SPATA16: variants seen among roughly 807,000 people sequenced by gnomAD.
SPATA16 encodes the protein spermatogenesis-associated protein 16.
In SPATA16, 36 loss-of-function variants were observed where a neutral mutation model predicts 63.3. The ratio of observed to expected loss-of-function variants is 0.57; its 90% CI spans 0.44 to 0.75. The LOEUF (loss-of-function observed/expected upper bound fraction) is 0.75, where lower values mean the gene tolerates loss of function less well. SPATA16 is among the 30% of genes least tolerant of loss of function. SPATA16 has a pLI of 0.00. For synonymous variants in SPATA16, 203 were observed against 216.7 expected (o/e 0.94, Z 0.56); for missense variants, 646 against 679.3 (o/e 0.95, Z 0.54).
At chr3:172,937,163 A>T (rs1277501786) in intron 6 of SPATA16, among the ~76,000 whole-genome samples, 1 of 151,702 alleles carries the variant, frequency 6.6e-6, no homozygotes, top group Non-Finnish European at 1.5e-5. Context: ...ATATTGTGAG[A>T]AAAAAAAATC....
At chr3:172,959,322 A>G (rs891118301) in intron 5 of SPATA16, among the ~76,000 whole-genome samples, 1 of 152,200 alleles carries the variant, frequency 6.6e-6, no homozygotes, top group Non-Finnish European at 1.5e-5. Context: ...GTAGGTTTTC[A>G]TGTGGCAGCT....
rs1735034030 is a variant in SPATA16, at chr3:173,010,216, C to T, written c.848+9270G>A. On this transcript the variant is annotated intron_variant, in intron 4 of 10. Coordinates refer to ENST00000351008, the MANE Select transcript of SPATA16 (RefSeq NM_031955.6). ...CTGAGTTTCTCTGGGACACAACGGA[C>T]AGACCTACCGTGATTGCCAAGGCCA... 2.0e-5 allele frequency among the ~76,000 whole-genome samples: 3 copies of T among 152,192 alleles called. No homozygotes were observed. In the South Asian group the frequency reaches 6.2e-4, roughly 32 times the overall value.
At chr3:172,947,447 G>T (rs1198564263) in intron 6 of SPATA16, among the ~76,000 whole-genome samples, 1 of 152,122 alleles carries the variant, frequency 6.6e-6, no homozygotes. Context: ...GTACATGTGG[G>T]TTTGACTGGA....
chr3:172,925,280 T>A (rs1732701929), intron 7 of SPATA16, 66 bp downstream of exon 7: 6 of 1,581,114 alleles, frequency 3.8e-6, no homozygotes, highest in African/African-American at 1.3e-5. Flanking sequence ...AACTCAAACA[T>A]TTTTTGGGGC....
chr3:173,117,236 A>C lies in SPATA16; in HGVS notation c.496T>G (p.Phe166Val). The C allele has an allele frequency of 6.2e-7, 1 of 1,614,168 alleles. No homozygotes were observed. Among genetic ancestry groups the C allele is most frequent in the Non-Finnish European group, 8.5e-7 (1 of 1,179,998 alleles). The change falls in exon 2 of 11, where the codon TTC becomes GTC. Residue 166 changes from phenylalanine to valine, a missense_variant. Phe to Val is a conservative substitution (Grantham distance 50). Coordinates refer to ENST00000351008, the MANE Select transcript of SPATA16 (RefSeq NM_031955.6). ...EIVDPLSVHN[F>V]SFLPQIDKWL... ...TTGTCAATCTGAGGCAGAAAGCTGAAATTATGTACACTCAAAGGGTCTACT... is the reference window on the plus strand; with the variant it reads ...TTGTCAATCTGAGGCAGAAAGCTGACATTATGTACACTCAAAGGGTCTACT...
chr3:173,081,189 G>T (rs1280521994), intron 2 of SPATA16, among the ~76,000 whole-genome samples: 1 of 152,174 alleles, frequency 6.6e-6, no homozygotes, highest in Non-Finnish European at 1.5e-5. Flanking sequence ...GCCTGGCAGT[G>T]ACCAGGCAAA....
intron 1 of SPATA16, among the ~76,000 whole-genome samples, chr3:173,140,542 T>C (rs904976117): frequency 6.6e-6 from 1 of 152,180 alleles, no homozygotes; most frequent in African/African-American, 2.4e-5. Flanking sequence ...AATGATGACA[T>C]GGTCTATGTC....
At chr3:173,012,859 G>A (rs1044565253) in intron 4 of SPATA16, among the ~76,000 whole-genome samples, 8 of 152,128 alleles carry the variant, frequency 5.3e-5, no homozygotes, top group African/African-American at 1.9e-4. Flanking sequence ...TACCATTCTA[G>A]ACATTGGCCT....
At chr3:173,077,526 A>G (rs1175265581) in intron 2 of SPATA16, among the ~76,000 whole-genome samples, 1 of 152,198 alleles carries the variant, frequency 6.6e-6, no homozygotes, top group African/African-American at 2.4e-5. Flanking sequence ...TTTGAGTTTC[A>G]GTGTAAAAGC....
In SPATA16 at chr3:172,958,344, A is replaced by G. The variant is rs150451317; in HGVS notation, c.934-1520T>C. ...CAAATAAGGTGTTTAGGCACCAAGTATTAGCCCTTCAGGAAAAATGAAGGT... is the reference window on the plus strand; with the variant it reads ...CAAATAAGGTGTTTAGGCACCAAGTGTTAGCCCTTCAGGAAAAATGAAGGT... On this transcript the variant is annotated intron_variant, in intron 5 of 10. Transcript: ENST00000351008. Among the ~76,000 whole-genome samples the G allele has an allele frequency of 2.0e-5, 3 of 152,300 alleles. No individual in the cohort carries two copies. The East Asian group carries it at 5.8e-4, about 29-fold the overall frequency.
intron 2 of SPATA16, among the ~76,000 whole-genome samples, chr3:173,081,710 G>A (rs368793740): frequency 1.8e-4 from 28 of 152,128 alleles, no homozygotes; most frequent in Admixed American, 2.6e-4. Flanking sequence ...AAAACCGTTC[G>A]TGAGATTACC....
At chr3:173,071,839 G>T (rs1736681853) in intron 2 of SPATA16, among the ~76,000 whole-genome samples, 1 of 152,132 alleles carries the variant, frequency 6.6e-6, no homozygotes, top group African/African-American at 2.4e-5. Flanking sequence ...AATCATCAAA[G>T]AAATGCAAAT....
intron 2 of SPATA16, among the ~76,000 whole-genome samples, chr3:173,081,771 T>G (rs948741980): frequency 2.6e-5 from 4 of 152,170 alleles, no homozygotes; most frequent in African/African-American, 9.7e-5. Context: ...GGTTAGAAAT[T>G]CAACACCCAT....
At chr3:173,138,881 T>A (rs1236608799) in intron 1 of SPATA16, among the ~76,000 whole-genome samples, 1 of 152,226 alleles carries the variant, frequency 6.6e-6, no homozygotes, top group Admixed American at 6.5e-5. Flanking sequence ...TCAGAATAGA[T>A]GTACATAGGT....
At chr3:172,951,100 T>C (rs1374601033) in intron 6 of SPATA16, among the ~76,000 whole-genome samples, 1 of 152,184 alleles carries the variant, frequency 6.6e-6, no homozygotes, top group African/African-American at 2.4e-5. Context: ...CTGGGGCTGG[T>C]AAATTATTAT....
intron 4 of SPATA16, among the ~76,000 whole-genome samples, chr3:173,010,492 G>T (rs568919188): frequency 1.3e-5 from 2 of 150,418 alleles, no homozygotes; most frequent in East Asian, 3.9e-4. Context: ...TTTTGTGGTG[G>T]GGCTCCCAGA....
intron 3 of SPATA16, among the ~76,000 whole-genome samples, chr3:173,026,049 A>C (rs1336014578): frequency 6.6e-6 from 1 of 152,018 alleles, no homozygotes; most frequent in Non-Finnish European, 1.5e-5. Context: ...CAATGCATGA[A>C]AGTTCCAGTT....
rs563516672 is a variant in SPATA16, at chr3:173,010,276, G to A, written c.848+9210C>T. ...CCTCTGTTGCCCCCAGGTTGGGAGG[G>A]AACAAAGAGCCTGAGCTCTTTTGCA... is the stretch of plus-strand genomic sequence containing the variant. On this transcript the variant is annotated intron_variant, in intron 4 of 10. Coordinates refer to ENST00000351008, the MANE Select transcript of SPATA16 (RefSeq NM_031955.6). Among the ~76,000 whole-genome samples, 9 of 152,268 alleles carry A rather than the reference G, an allele frequency of 5.9e-5. No homozygotes were observed. The South Asian group carries it at 1.9e-3, about 32-fold the overall frequency.
At chr3:172,898,333 T>C (rs1487136868) in intron 10 of SPATA16, among the ~76,000 whole-genome samples, 1 of 152,020 alleles carries the variant, frequency 6.6e-6, no homozygotes, top group African/African-American at 2.4e-5. Flanking sequence ...ATTCTTTAAA[T>C]GTGTGGTAGA....
Sources: gnomAD v4.1 joint callset for allele counts (sites outside exome capture counted in the v4.1 genomes callset) on GRCh38, gnomAD v4.1.1 for gene constraint, MANE v1.5 for transcripts, NCBI Gene and HGNC (gene_info 2026-07-23, HGNC 2026-07-21) for gene names.